GRK7: variants seen among roughly 807,000 people sequenced by gnomAD.
The protein encoded by GRK7 is rhodopsin kinase GRK7.
Under a neutral mutation model 34.1 loss-of-function variants are expected in GRK7, and 24 were observed. That is an observed-to-expected ratio of 0.70 (90% CI 0.51 to 0.99). GRK7 has a LOEUF of 0.99. Ranked by LOEUF, GRK7 falls within the 50% of genes least tolerant of loss-of-function variation. The pLI is 0.00. For missense variants in GRK7, 644 were observed against 707.3 expected (o/e 0.91, Z 1.02); for synonymous variants, 256 against 279.4 (o/e 0.92, Z 0.84).
chr3:141,777,875 A>G (rs2107876370), intron 2 of GRK7, among the ~76,000 whole-genome samples: 1 of 152,286 alleles, frequency 6.6e-6, no homozygotes, highest in East Asian at 1.9e-4. Context: ...ATAGGAAACA[A>G]GTAAAATTAG....
At chr3:141,808,244 T>C (rs1711056621) in intron 5 of GRK7, among the ~76,000 whole-genome samples, 1 of 152,110 alleles carries the variant, frequency 6.6e-6, no homozygotes, top group Non-Finnish European at 1.5e-5. Flanking sequence ...TGAAGGGAAA[T>C]TGGGGGCTGG....
At position 141,780,788 on chromosome 3, in the gene GRK7, G is replaced by T. The variant is rs2084668667; in HGVS notation, c.1027G>T (p.Gly343Cys). ...CCTGGGGCTGGCCGTGGAGATGAAGGGTGGCAAGCCCATCACCCAGAGGGT... is the reference window on the plus strand; with the variant it reads ...CCTGGGGCTGGCCGTGGAGATGAAGTGTGGCAAGCCCATCACCCAGAGGGT... ...SDLGLAVEMK[G>C]GKPITQRAGT... The change falls in exon 4 of 6, where the codon GGT becomes TGT. Residue 343 changes from glycine (G) to cysteine (C), a missense_variant. By Grantham distance (159) the Gly-to-Cys change is radical. Transcript: ENST00000682958. The T allele has an allele frequency of 2.5e-6, 4 of 1,613,732 alleles. 1 individual carries two copies. The South Asian group carries it at 4.4e-5, about 18-fold the overall frequency.
chr3:141,772,905 G>A (rs1336118817), intron 1 of GRK7, among the ~76,000 whole-genome samples: 1 of 152,074 alleles, frequency 6.6e-6, no homozygotes, highest in Admixed American at 6.6e-5. Flanking sequence ...GGCTGAGGCG[G>A]GCAGATCACT....
chr3:141,786,364 C>G (rs2084696194), intron 4 of GRK7, among the ~76,000 whole-genome samples: 1 of 152,184 alleles, frequency 6.6e-6, no homozygotes, highest in Non-Finnish European at 1.5e-5. Flanking sequence ...ATCAATGACC[C>G]TTGCTTGCCC....
intron 1 of GRK7, among the ~76,000 whole-genome samples, chr3:141,771,586 A>C (rs1230849318): frequency 2.0e-5 from 3 of 151,786 alleles, no homozygotes; most frequent in Non-Finnish European, 4.4e-5. Flanking sequence ...AAATTACTTA[A>C]TGTGTACAAT....
At position 141,778,933 on chromosome 3, in the gene GRK7, C is replaced by T. The variant is rs1217712404; in HGVS notation, c.612+37C>T. 3.2e-6 allele frequency: 5 copies of T among 1,559,820 alleles called. No homozygotes were observed. In the African/African-American group the frequency reaches 6.9e-5, roughly 21 times the overall value. On this transcript the variant is annotated intron_variant, in intron 3 of 5. Coordinates refer to ENST00000682958, the MANE Select transcript of GRK7 (RefSeq NM_139209.3). The surrounding 1 kb of genome is among the most constrained non-coding windows in gnomAD (Gnocchi z 4.1). ...CCAGTAGCCAGGCTAGAAGGTGAAG[C>T]ATAGAGCATGAAAGGGGGTAATGTT...
At position 141,812,194 on chromosome 3, in the gene GRK7, T is replaced by C. The variant is rs375198582; in HGVS notation, c.1325+4275T>C. ...ATTGTAATCTCTGTGTGGGGTTCCATAGTACGAGAGCCTCTGTTAATGCTC... is the reference window on the plus strand; with the variant it reads ...ATTGTAATCTCTGTGTGGGGTTCCACAGTACGAGAGCCTCTGTTAATGCTC... On this transcript the variant is annotated intron_variant, in intron 5 of 5. Coordinates refer to ENST00000682958, the MANE Select transcript of GRK7 (RefSeq NM_139209.3). Among the ~76,000 whole-genome samples the C allele has an allele frequency of 1.5e-4, 23 of 152,332 alleles. No individual in the cohort carries two copies. The East Asian group carries it at 4.0e-3, about 27-fold the overall frequency.
At chr3:141,803,869 G>A (rs1028017939) in intron 4 of GRK7, among the ~76,000 whole-genome samples, 26 of 151,800 alleles carry the variant, frequency 1.7e-4, no homozygotes, top group African/African-American at 5.8e-4. Flanking sequence ...TTACAGGCAC[G>A]CCCAGCTATT....
chr3:141,783,822 A>AAGG (rs751423949), intron 4 of GRK7, among the ~76,000 whole-genome samples: 1 of 152,082 alleles, frequency 6.6e-6, no homozygotes, highest in Non-Finnish European at 1.5e-5. Flanking sequence ...GGAGGAGCTG[A>AAGG]AGTAACACCG....
chr3:141,779,431 GAAAGA>G (rs1284952683), intron 3 of GRK7, among the ~76,000 whole-genome samples: 7 of 142,512 alleles, frequency 4.9e-5, no homozygotes, highest in Admixed American at 1.4e-4. Context: ...AAAAAAGAAA[GAAAGA>G]AAAGAAAGAA....
At chr3:141,799,452 A>G (rs1447882555) in intron 4 of GRK7, among the ~76,000 whole-genome samples, 1 of 152,108 alleles carries the variant, frequency 6.6e-6, no homozygotes, top group Non-Finnish European at 1.5e-5. Context: ...GTCTCTACTA[A>G]AAATACAAAA....
intron 2 of GRK7, among the ~76,000 whole-genome samples, chr3:141,777,209 A>G (rs1051530059): frequency 6.6e-6 from 1 of 151,968 alleles, no homozygotes; most frequent in African/African-American, 2.4e-5. Context: ...GATCATGGAA[A>G]ATTCTTGTCT....
chr3:141,793,037 G>A (rs2084732561), intron 4 of GRK7, among the ~76,000 whole-genome samples: 1 of 152,198 alleles, frequency 6.6e-6, no homozygotes, highest in Admixed American at 6.5e-5. Flanking sequence ...CAGCTCCATG[G>A]GGACAGAAGC....
chr3:141,804,817 A>T (rs1386219425), intron 4 of GRK7, among the ~76,000 whole-genome samples: 1 of 151,310 alleles, frequency 6.6e-6, no homozygotes, highest in Non-Finnish European at 1.5e-5. Context: ...GCACATACAA[A>T]CATGCTCACA....
upstream of GRK7, among the ~76,000 whole-genome samples, chr3:141,763,217 C>T (rs2084565235): frequency 2.0e-5 from 3 of 152,182 alleles, no homozygotes; most frequent in African/African-American, 7.2e-5. Context: ...TTCAAATAGC[C>T]GTTGATGACC....
upstream of GRK7, among the ~76,000 whole-genome samples, chr3:141,760,072 G>T (rs1363879911): frequency 6.8e-6 from 1 of 147,464 alleles, no homozygotes; most frequent in Non-Finnish European, 1.5e-5. Flanking sequence ...TCTTGCTAGC[G>T]GTCTATCAAT....
Position 141,778,103 on chromosome 3 carries a change from T to C in GRK7, c.-113-69T>C. 1.4e-6 allele frequency: 1 copy of C among 693,384 alleles called. No individual in the cohort carries two copies. The highest frequency in any genetic ancestry group is 2.4e-5 in the South Asian group (1 of 41,806). 43.0% of individuals were successfully genotyped at this position (693,384 alleles called of 1,614,324 possible). On this transcript the variant is annotated intron_variant, in intron 2 of 5. Transcript: ENST00000682958. This position sits in a 1 kb window ranked among gnomAD's most constrained non-coding sequence, Gnocchi z 4.1. ...CTATCGTGTGCAGTTCCTGGCGGGC[T>C]ATACATAGCCAGTCAAAGCTTCTTA...
At position 141,770,392 on chromosome 3, in the gene GRK7, G is replaced by T. The variant is rs73872320; in HGVS notation, c.-214-4188G>T. On this transcript the variant is annotated intron_variant, in intron 1 of 5. Coordinates refer to ENST00000682958, the MANE Select transcript of GRK7 (RefSeq NM_139209.3). ...GACTGTACATGAAGGAAACAGACCA[G>T]AAAAAAAGTAAGTGCTAGATTTCAA... Among the ~76,000 whole-genome samples, 788 of 152,110 alleles carry T rather than the reference G, an allele frequency of 5.2e-3. 3 individuals carry two copies. Among genetic ancestry groups the T allele is most frequent in the African/African-American group, 0.018 (763 of 41,512 alleles).
chr3:141,767,267 A>G (rs1475654057), intron 1 of GRK7, among the ~76,000 whole-genome samples: 2 of 152,240 alleles, frequency 1.3e-5, no homozygotes, highest in Non-Finnish European at 2.9e-5. Context: ...CTGTTGATAA[A>G]AAGATTTCTC....
Sources: allele counts gnomAD v4.1 joint callset (sites outside exome capture counted in the v4.1 genomes callset), GRCh38; gene constraint gnomAD v4.1.1; non-coding constraint Gnocchi (gnomAD v3.1); transcripts MANE v1.5; gene names NCBI Gene and HGNC (gene_info 2026-07-23, HGNC 2026-07-21).